PLEKHH1: variants seen among roughly 807,000 people sequenced by gnomAD.
PLEKHH1 encodes the protein pleckstrin homology, MyTH4 and FERM domain containing H1.
PLEKHH1 carries 104 observed loss-of-function variants against 160.0 expected under a neutral mutation model. That is an observed-to-expected ratio of 0.65 (90% CI 0.55 to 0.76). The LOEUF is 0.76. Among genes scored for constraint, PLEKHH1 ranks in the 30% least tolerant of loss-of-function variants. PLEKHH1 has a pLI of 0.00. For synonymous variants in PLEKHH1, 619 were observed against 678.4 expected (o/e 0.91, Z 1.36); for missense variants, 1,427 against 1,724.1 (o/e 0.83, Z 3.05).
At chr14:67,575,545 G>T in intron 15 of PLEKHH1, 73 bp downstream of exon 15, 1 of 943,414 alleles carries the variant, frequency 1.1e-6, no homozygotes, top group Non-Finnish European at 1.7e-6. Flanking sequence ...TCTATGTCCT[G>T]ATGAAAGTCC....
In PLEKHH1 at chr14:67,575,826, C is replaced by T. The variant is rs1296816604; in HGVS notation, c.2173C>T (p.Pro725Ser). The T allele has an allele frequency of 6.2e-7, 1 of 1,612,812 alleles. No individual in the cohort carries two copies. Among genetic ancestry groups the T allele is most frequent in the African/African-American group, 1.3e-5 (1 of 74,916 alleles). Residue 725 changes from proline to serine, a missense_variant, in exon 16 of 29, where the codon CCC (proline) becomes TCC (serine). Physicochemically the swap from Pro to Ser is moderately conservative, Grantham distance 74. This residue lies in a region of PLEKHH1 where 831 missense variants were observed against 929.2 expected (regional missense o/e 0.89). Transcript: ENST00000329153. ...YYYRSHEDKR[P>S]LGCLPVRDAH... Reference sequence around the variant, plus strand: ...CATGGAAGACTGCTGTCCACAGCGACCCCTGGGCTGCCTGCCTGTGCGGGA... The same window carrying T: ...CATGGAAGACTGCTGTCCACAGCGATCCCTGGGCTGCCTGCCTGTGCGGGA...
chr14:67,579,379 C>T, intron 21 of PLEKHH1, 68 bp downstream of exon 21: 1 of 1,276,778 alleles, frequency 7.8e-7, no homozygotes, highest in Non-Finnish European at 1.1e-6. Flanking sequence ...ACCCCTGGGC[C>T]TTAGGCTCAG....
At chr14:67,586,121 G>C in intron 28 of PLEKHH1, 24 bp downstream of exon 28, 1 of 1,612,402 alleles carries the variant, frequency 6.2e-7, no homozygotes, top group Non-Finnish European at 8.5e-7. Context: ...CTGTTAAAAC[G>C]TTCTACTCTG....
chr14:67,575,256 T>C (rs1351234419), intron 14 of PLEKHH1, 136 bp from the exon 15 acceptor site: 4 of 602,146 alleles, frequency 6.6e-6, no homozygotes, highest in Non-Finnish European at 1.2e-5. Flanking sequence ...GGTGGTTCCA[T>C]TAGTAGGGAG....
intron 28 of PLEKHH1, chr14:67,586,784 TA>T (rs2140575668): frequency 7.3e-7 from 1 of 1,369,040 alleles, no homozygotes; most frequent in African/African-American, 1.5e-5. Flanking sequence ...ATCCCTTTCT[TA>T]AGAAGGCCCC....
At chr14:67,550,555 A>T (rs1425975506) in intron 2 of PLEKHH1, among the ~76,000 whole-genome samples, 3 of 152,234 alleles carry the variant, frequency 2.0e-5, no homozygotes, top group African/African-American at 7.2e-5. Flanking sequence ...TTGCAAACTC[A>T]AATGTTTGCA....
intron 1 of PLEKHH1, among the ~76,000 whole-genome samples, chr14:67,534,316 T>C (rs980944818): frequency 6.6e-6 from 1 of 152,168 alleles, no homozygotes; most frequent in South Asian, 2.1e-4. Flanking sequence ...CAGTGGCTTA[T>C]GCCTGTAATC....
intron 9 of PLEKHH1, chr14:67,570,324 T>C: frequency 9.2e-7 from 1 of 1,082,000 alleles, no homozygotes; most frequent in Non-Finnish European, 1.1e-6. Flanking sequence ...TGGGGCTCCT[T>C]CTAGAATTAC....
intron 2 of PLEKHH1, among the ~76,000 whole-genome samples, chr14:67,550,174 T>G (rs201968311): frequency 8.6e-6 from 1 of 116,602 alleles, no homozygotes; most frequent in South Asian, 2.8e-4. Context: ...AAAAAAAAAT[T>G]GAAAACCATT....
chr14:67,570,371 T>C, intron 9 of PLEKHH1: 5 of 838,114 alleles, frequency 6.0e-6, no homozygotes, highest in Non-Finnish European at 5.8e-6. Context: ...GTAACGTCAC[T>C]ACATTTTAAA....
At chr14:67,557,196 A>T in intron 3 of PLEKHH1, 73 bp from the exon 4 acceptor site, 1 of 1,320,710 alleles carries the variant, frequency 7.6e-7, no homozygotes, top group South Asian at 1.3e-5. Flanking sequence ...ACGGTGTCCC[A>T]TCCCACGTTA....
Position 67,540,711 on chromosome 14 carries a change from T to G in PLEKHH1, c.-34-1123T>G, listed in dbSNP as rs367876780. Among the ~76,000 whole-genome samples the G allele has an allele frequency of 6.6e-5, 10 of 152,268 alleles. 1 individual carries two copies. The highest frequency in any genetic ancestry group is 2.4e-4 in the African/African-American group (10 of 41,550). On this transcript the variant is annotated intron_variant, in intron 1 of 28. Transcript: ENST00000329153. ...TACTAGGGTGACCATGTGTCATGGT[T>G]TGGGACAGACCAAATTTATACTTTT...
chr14:67,588,744 C>G lies in PLEKHH1; in HGVS notation c.*1509C>G, dbSNP rs977723903. ...CTGAAAACTGTATATTTAGCAGTAG[C>G]ACCCAAAACCAAGCCTTTAACCCCA... is the stretch of plus-strand genomic sequence containing the variant. On this transcript the variant is annotated 3_prime_UTR_variant, in exon 29 of 29. Coordinates refer to ENST00000329153, the MANE Select transcript of PLEKHH1 (RefSeq NM_020715.3). The G allele has an allele frequency of 2.0e-5, 3 of 152,536 alleles. No homozygotes were observed. The highest frequency in any genetic ancestry group is 4.4e-5 in the Non-Finnish European group (3 of 68,018). 9.4% of individuals were successfully genotyped at this position (152,536 alleles called of 1,614,324 possible).
At position 67,557,810 on chromosome 14, in the gene PLEKHH1, G is replaced by A. The variant is rs143314649; in HGVS notation, c.339+392G>A. Among the ~76,000 whole-genome samples, 1,341 of 152,350 alleles carry A rather than the reference G, an allele frequency of 8.8e-3. 63 individuals are homozygous for A. The highest frequency in any genetic ancestry group is 0.079 in the Admixed American group (1,208 of 15,306). ...GTGACCTGTGCCTAGTGTCAGGCAC[G>A]TGGTCAGTACTTGGTAAGGAGAACT... is the stretch of plus-strand genomic sequence containing the variant. On this transcript the variant is annotated intron_variant, in intron 4 of 28. Coordinates refer to ENST00000329153, the MANE Select transcript of PLEKHH1 (RefSeq NM_020715.3).
chr14:67,548,987 TTA>T (rs2034287535), intron 2 of PLEKHH1, among the ~76,000 whole-genome samples: 1 of 152,194 alleles, frequency 6.6e-6, no homozygotes, highest in South Asian at 2.1e-4. Flanking sequence ...CTCATATGGA[TTA>T]TACAGAGGCA....
chr14:67,553,772 A>G (rs1353645268), intron 2 of PLEKHH1, among the ~76,000 whole-genome samples: 1 of 152,236 alleles, frequency 6.6e-6, no homozygotes, highest in African/African-American at 2.4e-5. Context: ...GTGAAGGTCA[A>G]GGAACTCCTC....
chr14:67,560,727 C>CCT (rs2034796973), intron 5 of PLEKHH1, among the ~76,000 whole-genome samples: 2 of 126,430 alleles, frequency 1.6e-5, no homozygotes, highest in African/African-American at 6.0e-5. Flanking sequence ...GAACATATAT[C>CCT]TTTTTTTTTT....
intron 2 of PLEKHH1, among the ~76,000 whole-genome samples, chr14:67,551,636 C>T (rs2034394667): frequency 6.6e-6 from 1 of 152,058 alleles, no homozygotes; most frequent in Non-Finnish European, 1.5e-5. Context: ...CGCCTGTAAT[C>T]CCAGGACTTA....
At chr14:67,542,309 T>TG (rs1208415803) in intron 2 of PLEKHH1, among the ~76,000 whole-genome samples, 4 of 152,206 alleles carry the variant, frequency 2.6e-5, no homozygotes, top group African/African-American at 9.7e-5. Flanking sequence ...TTTCTCAGTG[T>TG]GGGGAAGGAC....
Sources: gnomAD v4.1 joint callset for allele counts (sites outside exome capture counted in the v4.1 genomes callset) on GRCh38, gnomAD v4.1.1 for gene constraint, gnomAD v4.1.1 regional missense constraint, MANE v1.5 for transcripts, NCBI Gene and HGNC (gene_info 2026-07-23, HGNC 2026-07-21) for gene names.